LSM6: variants seen among roughly 807,000 people sequenced by gnomAD.
LSM6 encodes U6 snRNA-associated Sm-like protein LSm6.
Under a neutral mutation model 13.5 loss-of-function variants are expected in LSM6, and 2 were observed. The observed-to-expected ratio is 0.15, with a 90% CI of 0.06 to 0.47. The LOEUF (loss-of-function observed/expected upper bound fraction) is 0.47. Among genes scored for constraint, LSM6 ranks in the 20% least tolerant of loss-of-function variants. The pLI is 0.97. For missense variants in LSM6, 58 were observed against 96.4 expected, an observed-to-expected ratio of 0.60 and a Z score of 1.67; for synonymous variants, 43 against 34.9, an observed-to-expected ratio of 1.23 and a Z score of -0.82.
intron 2 of LSM6, 74 bp from the exon 3 acceptor site, chr4:146,187,200 C>A: frequency 2.7e-6 from 2 of 744,898 alleles, no homozygotes; most frequent in Admixed American, 2.3e-5. Context: ...AGATTGTCTG[C>A]TCTAAGGTAT....
At chr4:146,177,758 A>G (rs1730142772) in intron 1 of LSM6, among the ~76,000 whole-genome samples, 1 of 152,242 alleles carries the variant, frequency 6.6e-6, no homozygotes, top group Non-Finnish European at 1.5e-5. Flanking sequence ...AATGTTTAGC[A>G]ACATCCCTGG....
intron 2 of LSM6, among the ~76,000 whole-genome samples, chr4:146,184,125 C>G (rs888432543): frequency 4.0e-5 from 6 of 151,224 alleles, no homozygotes; most frequent in African/African-American, 1.5e-4. Context: ...AGAGGGCAAA[C>G]CAGCACACTG....
intron 3 of LSM6, 34 bp downstream of exon 3, chr4:146,187,421 A>G (rs1173681320): frequency 7.7e-7 from 1 of 1,305,398 alleles, no homozygotes; most frequent in East Asian, 2.3e-5. Flanking sequence ...ACAGCATTCA[A>G]AATAAGCCTT....
Position 146,189,723 on chromosome 4 carries a change from C to A in LSM6, c.*67C>A. On this transcript the variant is annotated 3_prime_UTR_variant, in exon 4 of 4. Transcript: ENST00000296581. ...TTTTATGAATTTTTTCTAATTTTTG[C>A]TTCTTTTGTGATACAATTTGTCCTC... 1.6e-6 allele frequency: 2 copies of A among 1,275,316 alleles called. No homozygotes were observed. The highest frequency in any genetic ancestry group is 2.2e-6 in the Non-Finnish European group (2 of 906,550). 79.0% of individuals were successfully genotyped at this position (1,275,316 alleles called of 1,614,324 possible).
chr4:146,182,159 T>G lies in LSM6; in HGVS notation c.-10-753T>G, dbSNP rs183627119. Among the ~76,000 whole-genome samples the G allele has an allele frequency of 3.7e-5, 5 of 133,394 alleles. No homozygotes were observed. In the East Asian group the frequency reaches 5.8e-4, roughly 15 times the overall value. 87.5% of individuals were successfully genotyped at this position (133,394 alleles called of 152,430 possible). On this transcript the variant is annotated intron_variant, in intron 1 of 3. Coordinates refer to ENST00000296581, the MANE Select transcript of LSM6 (RefSeq NM_007080.3). Reference sequence around the variant, plus strand: ...GCAGAGTGTTTAATCTTTCTGTGTCTTCTTCTTCATGTGTAAAATGAGGAT... The same window carrying G: ...GCAGAGTGTTTAATCTTTCTGTGTCGTCTTCTTCATGTGTAAAATGAGGAT...
chr4:146,188,353 G>A (rs1730392670), intron 3 of LSM6, among the ~76,000 whole-genome samples: 1 of 151,902 alleles, frequency 6.6e-6, no homozygotes, highest in Non-Finnish European at 1.5e-5. Context: ...TGGGTTCTGT[G>A]CGTGTTGATA....
chr4:146,187,527 C>A, intron 3 of LSM6, 140 bp downstream of exon 3: 1 of 563,448 alleles, frequency 1.8e-6, no homozygotes. Context: ...GTCAGATCTT[C>A]AGTTTGACCA....
intron 1 of LSM6, among the ~76,000 whole-genome samples, chr4:146,181,948 C>G (rs1381329720): frequency 6.6e-6 from 1 of 152,118 alleles, no homozygotes; most frequent in Non-Finnish European, 1.5e-5. Flanking sequence ...ATCTCTTTTT[C>G]TGTGTTAGAC....
At chr4:146,183,172 C>G (rs972829455) in intron 2 of LSM6, 157 bp downstream of exon 2, 5 of 534,262 alleles carry the variant, frequency 9.4e-6, no homozygotes, top group Non-Finnish European at 1.4e-5. Context: ...GAGATCATTC[C>G]TTTTAGAAGG....
chr4:146,179,211 AAGG>A (rs899700258), intron 1 of LSM6, among the ~76,000 whole-genome samples: 31 of 152,296 alleles, frequency 2.0e-4, no homozygotes, highest in African/African-American at 7.2e-4. Flanking sequence ...TTAATTTTGA[AAGG>A]AGAAGTTTTA....
intron 3 of LSM6, among the ~76,000 whole-genome samples, chr4:146,188,927 T>C (rs1297275195): frequency 6.6e-6 from 1 of 152,128 alleles, no homozygotes; most frequent in Non-Finnish European, 1.5e-5. Flanking sequence ...ATATGTTGTT[T>C]ATTCTTAATT....
intron 2 of LSM6, among the ~76,000 whole-genome samples, chr4:146,185,154 A>G (rs1205735499): frequency 1.3e-5 from 2 of 152,176 alleles, no homozygotes; most frequent in Non-Finnish European, 2.9e-5. Flanking sequence ...ACATCTCTTT[A>G]GAATCAATTC....
At chr4:146,186,440 G>C (rs1730350623) in intron 2 of LSM6, among the ~76,000 whole-genome samples, 1 of 151,876 alleles carries the variant, frequency 6.6e-6, no homozygotes. Context: ...TTTTTTCTAG[G>C]AAATACCACT....
rs1730239034 is a variant in LSM6, at chr4:146,181,867, A to C, written c.-10-1045A>C. 2.0e-5 allele frequency among the ~76,000 whole-genome samples: 3 copies of C among 152,308 alleles called. No homozygotes were observed. The South Asian group carries it at 6.2e-4, about 32-fold the overall frequency. ...TTTGAAAGAGAGCTATTTTATAAGAAAAGATGCGTTTTGAAAGGAGTGATG... is the reference window on the plus strand; with the variant it reads ...TTTGAAAGAGAGCTATTTTATAAGACAAGATGCGTTTTGAAAGGAGTGATG... On this transcript the variant is annotated intron_variant, in intron 1 of 3. Transcript: ENST00000296581.
intron 1 of LSM6, among the ~76,000 whole-genome samples, 180 bp from the exon 2 acceptor site, chr4:146,182,731 GC>G (rs1323542893): frequency 1.3e-5 from 2 of 152,232 alleles, no homozygotes; most frequent in Non-Finnish European, 2.9e-5. Context: ...TTAGTATCTG[GC>G]TCATAGTAAG....
chr4:146,183,764 T>A (rs1216925739), intron 2 of LSM6: 2 of 151,832 alleles, frequency 1.3e-5, no homozygotes, highest in Non-Finnish European at 2.9e-5. Flanking sequence ...ATTTCAGTAG[T>A]TTTTGGGGGT....
At chr4:146,178,570 T>C (rs912505958) in intron 1 of LSM6, among the ~76,000 whole-genome samples, 6 of 152,226 alleles carry the variant, frequency 3.9e-5, no homozygotes, top group Non-Finnish European at 7.3e-5. Flanking sequence ...CCTTGCAATT[T>C]TTGCTTTTCA....
At chr4:146,179,665 C>G (rs992078623) in intron 1 of LSM6, among the ~76,000 whole-genome samples, 1 of 152,018 alleles carries the variant, frequency 6.6e-6, no homozygotes, top group African/African-American at 2.4e-5. Flanking sequence ...GAGAAAAGAC[C>G]CACATAAAGA....
At chr4:146,176,018 C>G (rs3733458) in intron 1 of LSM6, 1 of 152,298 alleles carries the variant, frequency 6.6e-6, no homozygotes, top group African/African-American at 2.4e-5. Context: ...CGTCCAAGCT[C>G]TCCGCGCATG....
Sources: allele counts gnomAD v4.1 joint callset (sites outside exome capture counted in the v4.1 genomes callset), GRCh38; gene constraint gnomAD v4.1.1; transcripts MANE v1.5; gene names NCBI Gene and HGNC (gene_info 2026-07-23, HGNC 2026-07-21).